Variants in NXPE3 observed in about 807,000 individuals in gnomAD.
The protein encoded by NXPE3 is NXPE family member 3.
NXPE3 carries 26 observed loss-of-function variants against 46.1 expected under a neutral mutation model. The observed-to-expected ratio is 0.56, with a 90% confidence interval of 0.41 to 0.78. NXPE3 has a LOEUF of 0.78. Ranked by LOEUF, NXPE3 falls within the 30% of genes least tolerant of loss-of-function variation. The pLI is 0.00. For synonymous variants in NXPE3, 272 were observed against 257.9 expected (o/e 1.05, Z -0.52); for missense variants, 620 against 686.0 (o/e 0.90, Z 1.07).
At chr3:101,803,543 C>A (rs1385416654) in intron 5 of NXPE3, among the ~76,000 whole-genome samples, 1 of 152,182 alleles carries the variant, frequency 6.6e-6, no homozygotes, top group Non-Finnish European at 1.5e-5. Context: ...TTATTAGTGA[C>A]TGAGCAGATT....
At chr3:101,789,855 TA>T (rs1410379082) in intron 4 of NXPE3, among the ~76,000 whole-genome samples, 1 of 152,106 alleles carries the variant, frequency 6.6e-6, no homozygotes, top group African/African-American at 2.4e-5. Context: ...CATGCCCAGC[TA>T]ATTTTTTATG....
intron 3 of NXPE3, among the ~76,000 whole-genome samples, chr3:101,784,597 T>C (rs1438179391): frequency 6.6e-6 from 1 of 152,176 alleles, no homozygotes; most frequent in Non-Finnish European, 1.5e-5. Flanking sequence ...ATGGAAAGTC[T>C]CCCTGGGGAT....
intron 4 of NXPE3, among the ~76,000 whole-genome samples, chr3:101,787,101 T>C (rs13090844): frequency 0.9 from 137,021 of 151,456 alleles, 62,107 homozygotes; most frequent in East Asian, 1. Flanking sequence ...TGCTGTGAGC[T>C]GAGATCATGC....
intron 6 of NXPE3, among the ~76,000 whole-genome samples, chr3:101,810,797 A>G (rs1028418726): frequency 2.0e-5 from 3 of 152,134 alleles, no homozygotes; most frequent in Non-Finnish European, 4.4e-5. Context: ...GAATTCTGGC[A>G]GCAACTTGAA....
chr3:101,818,738 TATATATATATATATA>T (rs1175461316), intron 7 of NXPE3, among the ~76,000 whole-genome samples: 6 of 32,710 alleles, frequency 1.8e-4, no homozygotes, highest in African/African-American at 5.6e-4. Flanking sequence ...TATATATATA[TATATATATATATATA>T]TTTTTTTTTT....
At position 101,785,614 on chromosome 3, in the gene NXPE3, C is replaced by A. The variant is rs1404769278; in HGVS notation, c.18C>A (p.Phe6Leu). 6.2e-7 allele frequency: 1 copy of A among 1,614,062 alleles called. No individual in the cohort carries two copies. The highest frequency in any genetic ancestry group is 1.7e-5 in the Admixed American group (1 of 60,018). Residue 6 changes from phenylalanine (F) to leucine (L), a missense_variant, in exon 4 of 8, where the codon TTC becomes TTA. Around this residue, in one of 3 missense-constraint regions of NXPE3, gnomAD observed 511 missense variants for 528.6 expected, o/e 0.97. Transcript: ENST00000273347. The stretch of plus-strand genomic sequence containing the variant: ...GCCAGACAATGTGGACCAATTTCTT[C>A]AAACTACGGCTTTTCTGCTGTCTGC... MWTNF[F>L]KLRLFCCLLA...
Position 101,801,994 on chromosome 3 carries a change from G to T in NXPE3, c.848+5G>T. 1 of 1,583,344 alleles carries T rather than the reference G, an allele frequency of 6.3e-7. No homozygotes were observed. On this transcript the variant is annotated splice_donor_5th_base_variant and intron_variant, in intron 5 of 7. Coordinates refer to ENST00000273347, the MANE Select transcript of NXPE3 (RefSeq NM_145037.4). The stretch of plus-strand genomic sequence containing the variant: ...AGAGAGTGCTTTCTTCCAGAGGTAT[G>T]TACTGCTTTTTCTTGGGGATGATTT...
At chr3:101,818,988 C>T (rs551401302) in intron 7 of NXPE3, among the ~76,000 whole-genome samples, 1 of 151,826 alleles carries the variant, frequency 6.6e-6, no homozygotes, top group East Asian at 1.9e-4. Flanking sequence ...TGGTCTCAAA[C>T]TTCTGACCTC....
At chr3:101,812,884 C>T (rs1353121677) in intron 6 of NXPE3, among the ~76,000 whole-genome samples, 2 of 143,496 alleles carry the variant, frequency 1.4e-5, no homozygotes, top group Non-Finnish European at 3.0e-5. Flanking sequence ...ATTCAACAGT[C>T]TATGAATTTA....
At chr3:101,819,579 T>C (rs1942156053) in intron 7 of NXPE3, among the ~76,000 whole-genome samples, 1 of 152,232 alleles carries the variant, frequency 6.6e-6, no homozygotes, top group African/African-American at 2.4e-5. Context: ...GTGTTTGTTT[T>C]CATTTTTCAA....
chr3:101,806,981 T>G lies in NXPE3; in HGVS notation c.849-72T>G, dbSNP rs1316464184. 3.0e-6 allele frequency: 3 copies of G among 995,734 alleles called. No individual in the cohort carries two copies. The Admixed American group carries it at 5.6e-5, about 19-fold the overall frequency. The allele number at this position is 995,734 out of a possible 1,614,324, so 61.7% of individuals were successfully genotyped here. ...CCGTGAAATTAGTCATTTTATCATT[T>G]GCCAATAAAGACATATATCTGAAAA... On this transcript the variant is annotated intron_variant, in intron 5 of 7. Transcript: ENST00000273347.
At chr3:101,814,386 G>GAT (rs950547725) in intron 6 of NXPE3, among the ~76,000 whole-genome samples, 9 of 152,190 alleles carry the variant, frequency 5.9e-5, no homozygotes, top group Admixed American at 5.2e-4. Flanking sequence ...ATTTTTCTTT[G>GAT]ATAATCGCAT....
intron 4 of NXPE3, among the ~76,000 whole-genome samples, chr3:101,787,733 C>T (rs556455018): frequency 7.2e-5 from 11 of 152,210 alleles, no homozygotes; most frequent in Non-Finnish European, 1.2e-4. Flanking sequence ...TACACATAGA[C>T]GGAGGAATAT....
chr3:101,803,851 C>T (rs1941284235), intron 5 of NXPE3, among the ~76,000 whole-genome samples: 1 of 152,210 alleles, frequency 6.6e-6, no homozygotes, highest in African/African-American at 2.4e-5. Flanking sequence ...AACCCCTGGG[C>T]TCAAGTAGTC....
Position 101,801,913 on chromosome 3 carries a change from A to C in NXPE3, c.772A>C (p.Ser258Arg), listed in dbSNP as rs747396776. 6.2e-7 allele frequency: 1 copy of C among 1,614,164 alleles called. No homozygotes were observed. Among genetic ancestry groups the C allele is most frequent in the Non-Finnish European group, 8.5e-7 (1 of 1,180,022 alleles). Residue 258 changes from serine to arginine, a missense_variant, in exon 5 of 8, where the codon AGC (serine) becomes CGC (arginine). This residue lies in a region of NXPE3 where 511 missense variants were observed against 528.6 expected (regional missense o/e 0.97). Transcript: ENST00000273347. ...CTTCAAACCAAAGAAGCTCCCTTGC[A>C]GCAGCAGAATTACCCATTTCAAAGG... is the stretch of plus-strand genomic sequence containing the variant. Reference protein sequence around the residue: ...FCFKPKKLPCSSRITHFKGGY... With the variant: ...FCFKPKKLPCRSRITHFKGGY...
At chr3:101,796,288 T>C (rs909799530) in intron 4 of NXPE3, among the ~76,000 whole-genome samples, 1 of 152,250 alleles carries the variant, frequency 6.6e-6, no homozygotes, top group Non-Finnish European at 1.5e-5. Context: ...TTATGATGGC[T>C]TGAGGAGTGA....
intron 5 of NXPE3, among the ~76,000 whole-genome samples, chr3:101,802,839 A>C (rs1039755709): frequency 1.3e-5 from 2 of 151,936 alleles, no homozygotes; most frequent in Non-Finnish European, 2.9e-5. Context: ...AACATTCCAT[A>C]ACATCACTAA....
intron 5 of NXPE3, among the ~76,000 whole-genome samples, chr3:101,802,865 A>G (rs1448030194): frequency 1.3e-5 from 2 of 150,670 alleles, no homozygotes; most frequent in African/African-American, 5.0e-5. Flanking sequence ...AAAAAATTAT[A>G]AAAGCTACAT....
intron 4 of NXPE3, among the ~76,000 whole-genome samples, chr3:101,786,675 T>C (rs1253411990): frequency 6.6e-6 from 1 of 152,254 alleles, no homozygotes; most frequent in Non-Finnish European, 1.5e-5. Flanking sequence ...TGTTTTACTA[T>C]ATAAGATACT....
Sources: gnomAD v4.1 joint callset for allele counts (sites outside exome capture counted in the v4.1 genomes callset) on GRCh38, gnomAD v4.1.1 for gene constraint, gnomAD v4.1.1 regional missense constraint, MANE v1.5 for transcripts, NCBI Gene and HGNC (gene_info 2026-07-23, HGNC 2026-07-21) for gene names.